The following ARHGEF33 variants were observed in gnomAD, a reference collection of about 807,000 sequenced individuals.
ARHGEF33 encodes the protein Rho guanine nucleotide exchange factor 33.
A neutral mutation model predicts 101.9 loss-of-function variants in ARHGEF33; 72 were observed. The observed-to-expected ratio is 0.71, with a 90% confidence interval of 0.58 to 0.86. ARHGEF33 has a LOEUF of 0.86. Ranked by LOEUF, ARHGEF33 falls within the 40% of genes least tolerant of loss-of-function variation. The pLI is 0.00. For missense variants in ARHGEF33, 1,169 were observed against 1,111.3 expected (o/e 1.05, Z -0.74); for synonymous variants, 499 against 442.5 (o/e 1.13, Z -1.60).
chr2:38,946,089 C>T (rs990445813), intron 10 of ARHGEF33, among the ~76,000 whole-genome samples: 10 of 152,288 alleles, frequency 6.6e-5, no homozygotes, highest in African/African-American at 1.2e-4. Flanking sequence ...ACAGCCTGTA[C>T]GTTTTTACTT....
At chr2:38,949,028 G>GACTC (rs1667523336) in intron 10 of ARHGEF33, among the ~76,000 whole-genome samples, 1 of 152,116 alleles carries the variant, frequency 6.6e-6, no homozygotes, top group African/African-American at 2.4e-5. Flanking sequence ...AGTGGAAGAT[G>GACTC]GGAGTGGAAG....
chr2:38,933,518 G>A (rs1667059969), intron 7 of ARHGEF33, among the ~76,000 whole-genome samples: 1 of 152,000 alleles, frequency 6.6e-6, no homozygotes, highest in South Asian at 2.1e-4. Flanking sequence ...TGAGTAGCTG[G>A]AATTACAGGC....
chr2:38,965,814 G>T (rs760703896), intron 16 of ARHGEF33, among the ~76,000 whole-genome samples, 192 bp from the exon 17 acceptor site: 2 of 152,100 alleles, frequency 1.3e-5, no homozygotes, highest in African/African-American at 4.8e-5. Flanking sequence ...ACTACACTCA[G>T]CAGGAAATTA....
chr2:38,920,784 T>C (rs1048207875), intron 3 of ARHGEF33, among the ~76,000 whole-genome samples: 1 of 152,188 alleles, frequency 6.6e-6, no homozygotes, highest in Non-Finnish European at 1.5e-5. Context: ...TATACATTAC[T>C]GTTTTCTTCT....
At chr2:38,898,191 A>G (rs746840715) in intron 2 of ARHGEF33, among the ~76,000 whole-genome samples, 3 of 152,244 alleles carry the variant, frequency 2.0e-5, no homozygotes, top group Admixed American at 6.5e-5. Context: ...GGGATCATTG[A>G]CTAAATGATA....
At chr2:38,962,627 T>C (rs1667969718) in intron 16 of ARHGEF33, among the ~76,000 whole-genome samples, 1 of 152,046 alleles carries the variant, frequency 6.6e-6, no homozygotes, top group South Asian at 2.1e-4. Context: ...AAGAGGCATT[T>C]TCTCTAGCAA....
At chr2:38,900,983 G>A (rs1299244875) in intron 2 of ARHGEF33, among the ~76,000 whole-genome samples, 5 of 152,140 alleles carry the variant, frequency 3.3e-5, no homozygotes, top group Non-Finnish European at 7.4e-5. Flanking sequence ...TCAGCAAAAT[G>A]AAAATCCCAC....
chr2:38,973,940 A>C lies in ARHGEF33; in HGVS notation c.*97A>C. 2.7e-6 allele frequency: 2 copies of C among 741,822 alleles called. No homozygotes were observed. The highest frequency in any genetic ancestry group is 1.9e-5 in the African/African-American group (1 of 52,500). 46.0% of individuals were successfully genotyped at this position (741,822 alleles called of 1,614,324 possible). ...TATATATATATCTATATCTATATAT[A>C]TATATATATCGATGTATAAATCCCT... is the stretch of plus-strand genomic sequence containing the variant. On this transcript the variant is annotated 3_prime_UTR_variant, in exon 18 of 18. Transcript: ENST00000409978.
chr2:38,947,237 C>T (rs1310700297), intron 10 of ARHGEF33, among the ~76,000 whole-genome samples: 2 of 152,158 alleles, frequency 1.3e-5, no homozygotes, highest in Non-Finnish European at 2.9e-5. Context: ...TTAAATAAAA[C>T]CTTAGGTTTT....
At position 38,965,403 on chromosome 2, in the gene ARHGEF33, T is replaced by C. The variant is rs111504590; in HGVS notation, c.2344-603T>C. Reference sequence around the variant, plus strand: ...AACTTATTTTACTTTATACTCCAAATAGCATGGGTTAAGAATTGTAAAAAC... The same window carrying C: ...AACTTATTTTACTTTATACTCCAAACAGCATGGGTTAAGAATTGTAAAAAC... On this transcript the variant is annotated intron_variant, in intron 16 of 17. Transcript: ENST00000409978. Among the ~76,000 whole-genome samples the C allele has an allele frequency of 8.7e-3, 1,325 of 152,340 alleles. 13 individuals carry two copies. Among genetic ancestry groups the C allele is most frequent in the Non-Finnish European group, 0.013 (882 of 68,026 alleles).
chr2:38,890,362 A>C (rs1665969042), intron 1 of ARHGEF33, among the ~76,000 whole-genome samples: 2 of 152,192 alleles, frequency 1.3e-5, no homozygotes, highest in Admixed American at 1.3e-4. Flanking sequence ...GATTAAGAAT[A>C]ATTAAAGAAT....
chr2:38,941,366 C>T (rs1667302669), intron 9 of ARHGEF33, among the ~76,000 whole-genome samples: 2 of 152,262 alleles, frequency 1.3e-5, no homozygotes, highest in South Asian at 4.1e-4. Context: ...TCAGATTTCT[C>T]TTGCGGTCAT....
rs185509596 is a variant in ARHGEF33 at position 38,946,819 on chromosome 2, T to G, written c.920+2789T>G. Among the ~76,000 whole-genome samples the G allele has an allele frequency of 2.4e-4, 37 of 152,254 alleles. No individual in the cohort carries two copies. The East Asian group carries it at 6.8e-3, about 28-fold the overall frequency. The stretch of plus-strand genomic sequence containing the variant: ...TTTTATATTTTTAGTAGAGATTAGG[T>G]TTCACCATTTTGGTCAGGCTGGTCT... On this transcript the variant is annotated intron_variant, in intron 10 of 17. Transcript: ENST00000409978.
chr2:38,959,132 TG>T (rs1667847939), intron 15 of ARHGEF33, among the ~76,000 whole-genome samples: 2 of 152,226 alleles, frequency 1.3e-5, no homozygotes, highest in Admixed American at 6.5e-5. Flanking sequence ...TCCCATCTGA[TG>T]GTACCCTATC....
chr2:38,906,140 G>T (rs1666381717), intron 2 of ARHGEF33, among the ~76,000 whole-genome samples: 1 of 144,720 alleles, frequency 6.9e-6, no homozygotes, highest in South Asian at 2.2e-4. Context: ...ATTGAGCCAA[G>T]ATTGTGCCAC....
intron 2 of ARHGEF33, among the ~76,000 whole-genome samples, chr2:38,899,948 G>A (rs1205163094): frequency 1.3e-5 from 2 of 152,126 alleles, no homozygotes; most frequent in African/African-American, 2.4e-5. Context: ...TAGCACTTTG[G>A]AAGGCTGGTG....
chr2:38,912,492 A>G (rs1295696956), intron 2 of ARHGEF33, among the ~76,000 whole-genome samples: 3 of 152,202 alleles, frequency 2.0e-5, no homozygotes, highest in African/African-American at 7.2e-5. Context: ...ATACATATTC[A>G]TTATTACAGT....
intron 2 of ARHGEF33, among the ~76,000 whole-genome samples, chr2:38,915,429 G>T (rs573696504): frequency 3.5e-5 from 5 of 143,616 alleles, no homozygotes; most frequent in Admixed American, 1.4e-4. Flanking sequence ...CTGTCCCCCA[G>T]GCTGGAGTGC....
At position 38,957,018 on chromosome 2, in the gene ARHGEF33, G is replaced by A. The variant is rs1667785298; in HGVS notation, c.1341G>A (p.Leu447=). Residue 447 remains leucine (L), a synonymous_variant, in exon 14 of 18, where the codon TTG becomes TTA. Transcript: ENST00000409978. The part of the protein sequence containing the change: ...YTLLFQCNED[L]LIQKRKKLKK... ...TGCTGTTTCAATGCAATGAAGATTT[G>A]CTTATTCAGAAACGGAAAAAGCTCA... The A allele has an allele frequency of 1.3e-6, 2 of 1,551,836 alleles. No individual in the cohort carries two copies. The highest frequency in any genetic ancestry group is 1.7e-6 in the Non-Finnish European group (2 of 1,147,064).
Sources: allele counts gnomAD v4.1 joint callset (sites outside exome capture counted in the v4.1 genomes callset), GRCh38; gene constraint gnomAD v4.1.1; transcripts MANE v1.5; gene names NCBI Gene and HGNC (gene_info 2026-07-23, HGNC 2026-07-21).